ZC3HAV1: variants seen among roughly 807,000 people sequenced by gnomAD.
The protein encoded by ZC3HAV1 is zinc finger CCCH-type containing, antiviral 1.
ZC3HAV1 carries 41 observed loss-of-function variants against 86.6 expected under a neutral mutation model. That is an observed-to-expected ratio of 0.47 (90% CI 0.37 to 0.61). ZC3HAV1 has a LOEUF of 0.61. Ranked by LOEUF, ZC3HAV1 falls within the 20% of genes least tolerant of loss-of-function variation. The pLI, the probability that ZC3HAV1 is intolerant of heterozygous loss-of-function variation, is 0.00. For synonymous variants in ZC3HAV1, 421 were observed against 432.1 expected (o/e 0.97, Z 0.32); for missense variants, 964 against 1,141.1 (o/e 0.84, Z 2.24).
intron 12 of ZC3HAV1, among the ~76,000 whole-genome samples, chr7:139,048,164 T>G (rs1816015730): frequency 6.6e-6 from 1 of 152,220 alleles, no homozygotes; most frequent in African/African-American, 2.4e-5. Flanking sequence ...ATTCACCCAG[T>G]GTGAGCTGAA....
chr7:139,105,872 A>T (rs371344255), intron 1 of ZC3HAV1, among the ~76,000 whole-genome samples: 1 of 152,244 alleles, frequency 6.6e-6, no homozygotes, highest in African/African-American at 2.4e-5. Context: ...TTTTTAAAAC[A>T]TAAGTAGGGA....
At chr7:139,089,882 T>A in intron 1 of ZC3HAV1, 123 bp from the exon 2 acceptor site, 1 of 1,051,994 alleles carries the variant, frequency 9.5e-7, no homozygotes, top group Non-Finnish European at 1.3e-6. Flanking sequence ...AGACACAGGT[T>A]GGTTCTGCTT....
chr7:139,095,654 C>T (rs1209168570), intron 1 of ZC3HAV1, among the ~76,000 whole-genome samples: 2 of 152,224 alleles, frequency 1.3e-5, no homozygotes, highest in Non-Finnish European at 2.9e-5. Flanking sequence ...AGAATCCGCA[C>T]ATACCCTACA....
chr7:139,055,136 T>A (rs1197349404), intron 10 of ZC3HAV1, 69 bp downstream of exon 10: 1 of 1,390,536 alleles, frequency 7.2e-7, no homozygotes, highest in Non-Finnish European at 1.0e-6. Flanking sequence ...GACAAACACA[T>A]ACACTTGTAG....
chr7:139,095,799 C>A (rs1817568871), intron 1 of ZC3HAV1, among the ~76,000 whole-genome samples: 1 of 152,272 alleles, frequency 6.6e-6, no homozygotes, highest in African/African-American at 2.4e-5. Context: ...CCATTAAAAA[C>A]CATCTAGGGA....
chr7:139,102,743 AC>A (rs1281354161), intron 1 of ZC3HAV1, among the ~76,000 whole-genome samples: 2 of 90,980 alleles, frequency 2.2e-5, no homozygotes, highest in African/African-American at 7.8e-5. Flanking sequence ...ACACACACAC[AC>A]ACACACACAC....
intron 12 of ZC3HAV1, among the ~76,000 whole-genome samples, chr7:139,052,331 C>G (rs1012568153): frequency 1.5e-5 from 2 of 132,382 alleles, no homozygotes; most frequent in African/African-American, 5.7e-5. Flanking sequence ...GCAGGCCAGG[C>G]GCAGTGGCTC....
chr7:139,089,618 A>C lies in ZC3HAV1; in HGVS notation c.444+6T>G, dbSNP rs779510520. ...TCCCTCCTTAAACTGAGGAATCACA[A>C]CTTACCTCGGGCATAAAAAAAGGAT... is the stretch of plus-strand genomic sequence containing the variant. On this transcript the variant is annotated splice_donor_region_variant and intron_variant, in intron 2 of 12. Transcript: ENST00000242351. 11 of 1,601,834 alleles carry C rather than the reference A, an allele frequency of 6.9e-6. No individual in the cohort carries two copies. In the South Asian group the frequency reaches 1.1e-4, roughly 16 times the overall value.
In ZC3HAV1 at chr7:139,044,556, A is replaced by T. The variant is rs1467088245; in HGVS notation, c.*3038T>A. The stretch of plus-strand genomic sequence containing the variant: ...ATCTATGAGTCATTTCAGGTCAGCA[A>T]AGAGAATGTTACAAAATATCTGCTC... On this transcript the variant is annotated 3_prime_UTR_variant, in exon 13 of 13. Transcript: ENST00000242351. 2.6e-5 allele frequency: 4 copies of T among 152,338 alleles called. No homozygotes were observed. Among genetic ancestry groups the T allele is most frequent in the African/African-American group, 7.2e-5 (3 of 41,434 alleles). The allele number at this position is 152,338 out of a possible 1,614,324, so 9.4% of individuals were successfully genotyped here. A position where few individuals can be genotyped will look rare whatever the true frequency, so the allele number is the denominator to read the frequency against.
chr7:139,067,394 G>A (rs140660835), intron 7 of ZC3HAV1, among the ~76,000 whole-genome samples: 351 of 152,200 alleles, frequency 2.3e-3, no homozygotes, highest in African/African-American at 8.1e-3. Context: ...CAGGTGATCC[G>A]CCTGCCTTGG....
intron 12 of ZC3HAV1, among the ~76,000 whole-genome samples, chr7:139,053,095 C>T (rs10253351): frequency 0.094 from 14,339 of 152,114 alleles, 1,404 homozygotes; most frequent in African/African-American, 0.25. Flanking sequence ...CAACTGAAGC[C>T]TCATATAGCT....
chr7:139,047,587 A>G lies in ZC3HAV1; in HGVS notation c.*7T>C, dbSNP rs1815995917. ...ATGGCATCCTTCTGACGCTGTATTC[A>G]TCGGTTCTAACTAATCACGCAGGCT... On this transcript the variant is annotated 3_prime_UTR_variant, in exon 13 of 13. Transcript: ENST00000242351. 7 of 1,614,008 alleles carry G rather than the reference A, an allele frequency of 4.3e-6. No individual in the cohort carries two copies. The East Asian group carries it at 8.9e-5, about 21-fold the overall frequency.
At chr7:139,104,489 G>A (rs936525262) in intron 1 of ZC3HAV1, among the ~76,000 whole-genome samples, 8 of 151,796 alleles carry the variant, frequency 5.3e-5, no homozygotes, top group African/African-American at 1.9e-4. Context: ...TGAGGTGGGC[G>A]GATTGCCTGA....
chr7:139,054,058 C>T lies in ZC3HAV1; in HGVS notation c.2225G>A (p.Arg742Lys). Reference sequence around the variant, plus strand: ...GGAAGCTTTAAAATGCTCACTTACTCTGACATATTCTGGATGTAGGTGATG... The same window carrying T: ...GGAAGCTTTAAAATGCTCACTTACTTTGACATATTCTGGATGTAGGTGATG... Reference protein sequence around the residue: ...EIHHLHPEYVRVSEHFKASMK... With the variant: ...EIHHLHPEYVKVSEHFKASMK... The change falls in exon 11 of 13, where the codon AGA (arginine) becomes AAA (lysine). Residue 742 changes from arginine (R) to lysine (K), a missense_variant. Transcript: ENST00000242351. The T allele has an allele frequency of 6.2e-7, 1 of 1,600,030 alleles. No individual in the cohort carries two copies. The highest frequency in any genetic ancestry group is 8.5e-7 in the Non-Finnish European group (1 of 1,176,402).
intron 12 of ZC3HAV1, among the ~76,000 whole-genome samples, 178 bp downstream of exon 12, chr7:139,053,273 C>G (rs1461757560): frequency 9.8e-5 from 15 of 152,292 alleles, no homozygotes; most frequent in Admixed American, 9.8e-4. Flanking sequence ...AGCTCCAAGT[C>G]AACTGATTCA....
At chr7:139,077,893 A>T (rs1162691641) in intron 5 of ZC3HAV1, among the ~76,000 whole-genome samples, 4 of 152,208 alleles carry the variant, frequency 2.6e-5, no homozygotes, top group Non-Finnish European at 5.9e-5. Context: ...TGAAAAGTAC[A>T]CAACCACTCA....
chr7:139,053,827 GAAAA>G, intron 11 of ZC3HAV1, 134 bp downstream of exon 11: 17 of 818,374 alleles, frequency 2.1e-5, no homozygotes, highest in South Asian at 7.3e-5. Context: ...TTGATAGAAT[GAAAA>G]AAAAAAAAAA....
intron 1 of ZC3HAV1, among the ~76,000 whole-genome samples, chr7:139,100,802 C>G (rs150026776): frequency 1.3e-4 from 19 of 147,410 alleles, no homozygotes; most frequent in African/African-American, 4.8e-4. Flanking sequence ...TTTCCACGGT[C>G]TCCCTCTCCC....
At chr7:139,066,163 G>C (rs1022414041) in intron 7 of ZC3HAV1, among the ~76,000 whole-genome samples, 7 of 152,100 alleles carry the variant, frequency 4.6e-5, no homozygotes, top group African/African-American at 1.7e-4. Flanking sequence ...GGAGACTCTT[G>C]TTTCCTGTGA....
Sources: gnomAD v4.1 joint callset for allele counts (sites outside exome capture counted in the v4.1 genomes callset) on GRCh38, gnomAD v4.1.1 for gene constraint, MANE v1.5 for transcripts, NCBI Gene and HGNC (gene_info 2026-07-23, HGNC 2026-07-21) for gene names.